Variants in ZNF362 observed in about 807,000 individuals in gnomAD.
The protein encoded by ZNF362 is rotund homolog.
In ZNF362, 11 loss-of-function variants were observed where a neutral mutation model predicts 42.9. The observed-to-expected ratio is 0.26, with a 90% CI of 0.16 to 0.42. The LOEUF (loss-of-function observed/expected upper bound fraction) is 0.42, where lower values mean the gene tolerates loss of function less well. Among genes scored for constraint, ZNF362 ranks in the 20% least tolerant of loss-of-function variants. ZNF362 has a pLI of 1.00. For missense variants in ZNF362, 362 were observed against 576.2 expected (o/e 0.63, Z 3.81); for synonymous variants, 255 against 257.3 (o/e 0.99, Z 0.09).
In ZNF362 at chr1:33,299,060, GCCGCCCCAC is replaced by G. The variant is rs748764485; in HGVS notation, c.*18_*26del. ...TCTCTCATCTGAGCCCACTGGAGGC[GCCGCCCCAC>G]CCGGCCCACTGGCAGACACAGACCC... On this transcript the variant is annotated 3_prime_UTR_variant, in exon 9 of 9. Transcript: ENST00000539719. 3.8e-6 allele frequency: 6 copies of G among 1,597,934 alleles called. No homozygotes were observed. The highest frequency in any genetic ancestry group is 3.3e-5 in the South Asian group (3 of 90,946).
At chr1:33,288,182 C>T (rs759000218) in intron 6 of ZNF362, among the ~76,000 whole-genome samples, 1 of 152,094 alleles carries the variant, frequency 6.6e-6, no homozygotes, top group African/African-American at 2.4e-5. Flanking sequence ...CTGAGGGAGG[C>T]AGAGTCACCT....
chr1:33,292,844 C>T (rs61675975), intron 6 of ZNF362, among the ~76,000 whole-genome samples: 1,859 of 152,278 alleles, frequency 0.012, 31 homozygotes, highest in African/African-American at 0.042. Flanking sequence ...TGGCCTCAGG[C>T]GGAGTTGGTC....
At chr1:33,257,279 G>A (rs1645799641) in intron 1 of ZNF362, among the ~76,000 whole-genome samples, 1 of 151,682 alleles carries the variant, frequency 6.6e-6, no homozygotes, top group African/African-American at 2.4e-5. Context: ...AGAGCCGCGA[G>A]CCTTTCGGGG....
the ZNF362 span, among the ~76,000 whole-genome samples, chr1:33,224,051 A>G: frequency 6.6e-6 from 1 of 152,218 alleles, no homozygotes; most frequent in East Asian, 1.9e-4. Flanking sequence ...AATTATCTCT[A>G]CATTTTTCAT....
chr1:33,190,178 C>T, the ZNF362 span, among the ~76,000 whole-genome samples: 1 of 152,160 alleles, frequency 6.6e-6, no homozygotes, highest in Non-Finnish European at 1.5e-5. Context: ...CTTCACATTA[C>T]ATGCTCTTGA....
the ZNF362 span, among the ~76,000 whole-genome samples, chr1:33,138,552 T>A: frequency 6.8e-6 from 1 of 148,006 alleles, no homozygotes; most frequent in Admixed American, 7.0e-5. Context: ...GTTGGGAGGC[T>A]GAGGCACTGT....
chr1:33,262,294 A>ATTTTTT (rs1645833196), intron 1 of ZNF362, among the ~76,000 whole-genome samples: 3 of 93,020 alleles, frequency 3.2e-5, no homozygotes, highest in Admixed American at 1.2e-4. Flanking sequence ...AGGCTTTAGG[A>ATTTTTT]TTCTTTTTTT....
At chr1:33,173,900 T>C in the ZNF362 span, among the ~76,000 whole-genome samples, 5 of 152,048 alleles carry the variant, frequency 3.3e-5, no homozygotes, top group Non-Finnish European at 5.9e-5. Context: ...GGTCTCTCTG[T>C]GTTGCCCAGG....
At chr1:33,149,340 G>C in the ZNF362 span, among the ~76,000 whole-genome samples, 1 of 152,028 alleles carries the variant, frequency 6.6e-6, no homozygotes, top group Non-Finnish European at 1.5e-5. Context: ...TTTTAGTAGA[G>C]ACAGGGTTTC....
At chr1:33,204,213 A>G in the ZNF362 span, among the ~76,000 whole-genome samples, 1 of 152,084 alleles carries the variant, frequency 6.6e-6, no homozygotes, top group Non-Finnish European at 1.5e-5. Context: ...TTTCAGCACC[A>G]TCTATTGAAG....
intron 6 of ZNF362, among the ~76,000 whole-genome samples, chr1:33,288,240 A>G (rs1273239146): frequency 6.6e-6 from 1 of 152,218 alleles, no homozygotes; most frequent in Non-Finnish European, 1.5e-5. Flanking sequence ...ATTTGAGTGC[A>G]GAGCACCAAG....
At chr1:33,166,031 C>T in the ZNF362 span, 1 of 152,654 alleles carries the variant, frequency 6.6e-6, no homozygotes, top group Non-Finnish European at 1.5e-5. Context: ...GCATTACCAC[C>T]TGACTCCACC....
chr1:33,145,700 C>T, the ZNF362 span: 2 of 357,204 alleles, frequency 5.6e-6, no homozygotes, highest in Non-Finnish European at 1.1e-5. Context: ...TAGGCTCAGT[C>T]TTGCAGCCCA....
At chr1:33,147,503 C>T in the ZNF362 span, 2 of 1,613,204 alleles carry the variant, frequency 1.2e-6, no homozygotes, top group Admixed American at 3.3e-5. The surrounding 1 kb of genome is among the most constrained non-coding windows in gnomAD (Gnocchi z 8.1). Flanking sequence ...GCTTCGTGTG[C>T]CAGCCCGATC....
chr1:33,286,557 C>A lies in ZNF362; in HGVS notation c.908+4746C>A, dbSNP rs532078748. 7.9e-5 allele frequency among the ~76,000 whole-genome samples: 12 copies of A among 151,892 alleles called. No homozygotes were observed. The South Asian group carries it at 1.9e-3, about 24-fold the overall frequency. On this transcript the variant is annotated intron_variant, in intron 6 of 8. Transcript: ENST00000539719. The stretch of plus-strand genomic sequence containing the variant: ...GAGTTCATAATGGCAGGAAACCAAA[C>A]AAACAACAAAAGAGGATTCTATCAA...
At chr1:33,162,673 C>T in the ZNF362 span, among the ~76,000 whole-genome samples, 4 of 151,988 alleles carry the variant, frequency 2.6e-5, no homozygotes, top group Admixed American at 6.5e-5. Context: ...GTCTCAAGGA[C>T]GAGAGAGGAT....
chr1:33,223,795 A>G, the ZNF362 span, among the ~76,000 whole-genome samples: 2 of 150,776 alleles, frequency 1.3e-5, no homozygotes, highest in Non-Finnish European at 3.0e-5. Flanking sequence ...TGGGAGGCTG[A>G]GGTGGGAGAA....
the ZNF362 span, among the ~76,000 whole-genome samples, chr1:33,139,358 T>G: frequency 6.6e-6 from 1 of 152,184 alleles, no homozygotes; most frequent in Non-Finnish European, 1.5e-5. Flanking sequence ...TTTCTGACAT[T>G]CTCTCTGCAC....
intron 6 of ZNF362, among the ~76,000 whole-genome samples, chr1:33,283,578 G>A (rs1401433987): frequency 1.3e-5 from 2 of 152,182 alleles, no homozygotes; most frequent in Non-Finnish European, 2.9e-5. Context: ...GTGCATGCCT[G>A]TAGTCCCGGC....
Sources: allele counts gnomAD v4.1 joint callset (sites outside exome capture counted in the v4.1 genomes callset), GRCh38; gene constraint gnomAD v4.1.1; non-coding constraint Gnocchi (gnomAD v3.1); transcripts MANE v1.5; gene names NCBI Gene and HGNC (gene_info 2026-07-23, HGNC 2026-07-21).